The following TSPEAR variants were observed in gnomAD, a reference collection of about 807,000 sequenced individuals.
TSPEAR encodes the protein thrombospondin type laminin G domain and EAR repeats.
In TSPEAR, 69 loss-of-function variants were observed where a neutral mutation model predicts 71.6. That is an observed-to-expected ratio of 0.96 (90% CI 0.79 to 1.18). TSPEAR has a LOEUF of 1.18. TSPEAR is among the 50% of genes most tolerant of loss of function. The pLI, the probability that TSPEAR is intolerant of heterozygous loss-of-function variation, is 0.00. For synonymous variants in TSPEAR, 402 were observed against 387.2 expected (o/e 1.04, Z -0.45); for missense variants, 971 against 894.9 (o/e 1.09, Z -1.09).
chr21:44,669,429 T>A (rs587756263), intron 1 of TSPEAR, among the ~76,000 whole-genome samples: 15 of 151,920 alleles, frequency 9.9e-5, no homozygotes, highest in Non-Finnish European at 1.9e-4. Context: ...TCAAAAAAAA[T>A]TAAATAAAAA....
At chr21:44,514,926 G>A (rs998312622) in intron 9 of TSPEAR, among the ~76,000 whole-genome samples, 21 of 152,202 alleles carry the variant, frequency 1.4e-4, no homozygotes, top group African/African-American at 4.6e-4. Context: ...CCATTCCCTT[G>A]GAGCACTGTA....
intron 1 of TSPEAR, chr21:44,592,567 T>G: frequency 6.5e-7 from 1 of 1,536,414 alleles, no homozygotes; most frequent in Non-Finnish European, 8.8e-7. Context: ...CTGGCCTTGT[T>G]GTCCCCGGGC....
rs1010541029 is a variant in TSPEAR, at chr21:44,687,955, G to A, written c.82+23478C>T. Among the ~76,000 whole-genome samples the A allele has an allele frequency of 2.0e-5, 3 of 152,244 alleles. No individual in the cohort carries two copies. The highest frequency in any genetic ancestry group is 4.4e-5 in the Non-Finnish European group (3 of 68,044). Reference sequence around the variant, plus strand: ...CACTGACAGAGGCCGGCTCGGGGGTGAGTATCCGATCAAGCACAGTGAGTG... The same window carrying A: ...CACTGACAGAGGCCGGCTCGGGGGTAAGTATCCGATCAAGCACAGTGAGTG... On this transcript the variant is annotated intron_variant, in intron 1 of 11. Coordinates refer to ENST00000323084, the MANE Select transcript of TSPEAR (RefSeq NM_144991.3). This position sits in a 1 kb window ranked among gnomAD's most constrained non-coding sequence, Gnocchi z 4.4.
Position 44,511,319 on chromosome 21 carries a change from CTGCATGCA to C in TSPEAR, c.1567-1941_1567-1934del, listed in dbSNP as rs76181679. On this transcript the variant is annotated intron_variant, in intron 9 of 11. Transcript: ENST00000323084. ...ACTGTGCGCACACACACATGCACGC[CTGCATGCA>C]TGCATACACACACAAACATGCATAT... is the stretch of plus-strand genomic sequence containing the variant. Among the ~76,000 whole-genome samples, 191 of 152,106 alleles carry C rather than the reference CTGCATGCA, an allele frequency of 1.3e-3. 1 individual carries two copies. The highest frequency in any genetic ancestry group is 2.2e-3 in the Non-Finnish European group (153 of 68,010).
intron 2 of TSPEAR, among the ~76,000 whole-genome samples, chr21:44,555,610 G>A (rs1555919655): frequency 6.6e-6 from 1 of 152,170 alleles, no homozygotes; most frequent in Non-Finnish European, 1.5e-5. Flanking sequence ...GGGAGCCCTA[G>A]TGTGAGAAGT....
intron 1 of TSPEAR, chr21:44,702,362 C>A: frequency 6.2e-7 from 1 of 1,609,336 alleles, no homozygotes; most frequent in Non-Finnish European, 8.5e-7. Flanking sequence ...GTGTCCAGCC[C>A]CTGCTGCCAG....
chr21:44,610,157 A>T (rs1380661633), intron 1 of TSPEAR, among the ~76,000 whole-genome samples: 1 of 152,160 alleles, frequency 6.6e-6, no homozygotes, highest in Non-Finnish European at 1.5e-5. Context: ...GAAAAGAAAA[A>T]CCCATTTTCT....
At chr21:44,631,845 T>C (rs1601508886) in intron 1 of TSPEAR, among the ~76,000 whole-genome samples, 1 of 152,076 alleles carries the variant, frequency 6.6e-6, no homozygotes, top group African/African-American at 2.4e-5. Flanking sequence ...AGAGAGAGAA[T>C]GGAGCACTCA....
At position 44,528,372 on chromosome 21, in the gene TSPEAR, C is replaced by T. The variant is rs1003453496; in HGVS notation, c.922+80G>A. 6 of 1,586,146 alleles carry T rather than the reference C, an allele frequency of 3.8e-6. No individual in the cohort carries two copies. In the African/African-American group the frequency reaches 5.4e-5, roughly 14 times the overall value. ...TCATTCAGAGGTGGCTGAGGTGCCC[C>T]CTCTCCTAGCCTCCACTCCCAGTCA... On this transcript the variant is annotated intron_variant, in intron 6 of 11. Coordinates refer to ENST00000323084, the MANE Select transcript of TSPEAR (RefSeq NM_144991.3).
rs1555921929 is a variant in TSPEAR, at chr21:44,567,839, G to T, written c.249C>A (p.Phe83Leu). The T allele has an allele frequency of 2.5e-6, 4 of 1,607,092 alleles. No individual in the cohort carries two copies. Among genetic ancestry groups the T allele is most frequent in the Non-Finnish European group, 3.4e-6 (4 of 1,176,028 alleles). Residue 83 changes from phenylalanine to leucine, a missense_variant, in exon 2 of 12, where the codon TTC (phenylalanine) becomes TTA (leucine). Transcript: ENST00000323084. ...ASRIFSQCDL[F>L]PEEFSIVVTL... ...TTACGACGATGGAAAATTCTTCAGGGAAGAGGTCACACTGGGAGAAAATCC... is the reference window on the plus strand; with the variant it reads ...TTACGACGATGGAAAATTCTTCAGGTAAGAGGTCACACTGGGAGAAAATCC...
intron 1 of TSPEAR, chr21:44,676,854 G>A: frequency 1.1e-6 from 1 of 950,354 alleles, no homozygotes; most frequent in Admixed American, 1.7e-5. Context: ...CTAATGTGAT[G>A]TGCTGCTTTT....
In TSPEAR at chr21:44,499,608, TG is replaced by T; in HGVS notation, c.*174del. 1.6e-6 allele frequency: 1 copy of T among 606,990 alleles called. No individual in the cohort carries two copies. The highest frequency in any genetic ancestry group is 2.0e-5 in the African/African-American group (1 of 50,940). 37.6% of individuals were successfully genotyped at this position (606,990 alleles called of 1,614,324 possible). A position where few individuals can be genotyped will look rare whatever the true frequency, so the allele number is the denominator to read the frequency against. On this transcript the variant is annotated 3_prime_UTR_variant, in exon 12 of 12. Coordinates refer to ENST00000323084, the MANE Select transcript of TSPEAR (RefSeq NM_144991.3). ...GCTGTGGCTCAGAAGGACTCAGAGG[TG>T]GATGGATGTCCCTGCCCGAACCAGG...
chr21:44,667,039 C>G (rs782225974), intron 1 of TSPEAR: 2 of 897,076 alleles, frequency 2.2e-6, no homozygotes, highest in Non-Finnish European at 3.4e-6. Context: ...TCTCCTGGAG[C>G]TTAATTTTCT....
chr21:44,682,486 C>T (rs1986653887), intron 1 of TSPEAR, among the ~76,000 whole-genome samples: 1 of 152,190 alleles, frequency 6.6e-6, no homozygotes. Flanking sequence ...AAGAGCTCCT[C>T]GAACCGCAAC....
rs116924150 is a variant in TSPEAR at position 44,609,828 on chromosome 21, T to C, written c.83-41823A>G. Among the ~76,000 whole-genome samples the C allele has an allele frequency of 4.7e-3, 716 of 152,354 alleles. 6 individuals are homozygous for C. The highest frequency in any genetic ancestry group is 8.4e-3 in the Non-Finnish European group (572 of 68,028). ...ATAATATACATTCTGAACACTGATG[T>C]AACCAAATATTGATATTTTACTTCC... On this transcript the variant is annotated intron_variant, in intron 1 of 11. Coordinates refer to ENST00000323084, the MANE Select transcript of TSPEAR (RefSeq NM_144991.3).
intron 1 of TSPEAR, among the ~76,000 whole-genome samples, chr21:44,641,601 TA>T (rs1450807278): frequency 6.6e-6 from 1 of 152,136 alleles, no homozygotes; most frequent in Non-Finnish European, 1.5e-5. Context: ...CATATGAGAA[TA>T]AAAGTTTTTT....
chr21:44,649,126 A>G lies in TSPEAR; in HGVS notation c.82+62307T>C, dbSNP rs371916587. On this transcript the variant is annotated intron_variant, in intron 1 of 11. Coordinates refer to ENST00000323084, the MANE Select transcript of TSPEAR (RefSeq NM_144991.3). ...GCTCCCTCCACCGCCTGCTGGACAG[A>G]GCCGGACGGCTCCTGGGGACCGGGG... Among the ~76,000 whole-genome samples, 321 of 152,328 alleles carry G rather than the reference A, an allele frequency of 2.1e-3. 1 individual carries two copies. Among genetic ancestry groups the G allele is most frequent in the Middle Eastern group, 0.017 (5 of 294 alleles).
At chr21:44,633,802 T>C (rs1983388802) in intron 1 of TSPEAR, among the ~76,000 whole-genome samples, 1 of 152,246 alleles carries the variant, frequency 6.6e-6, no homozygotes, top group African/African-American at 2.4e-5. Flanking sequence ...AAAAATTTTT[T>C]TTAATCAGTG....
chr21:44,566,484 T>C (rs2053705171), intron 2 of TSPEAR, among the ~76,000 whole-genome samples: 1 of 152,176 alleles, frequency 6.6e-6, no homozygotes, highest in South Asian at 2.1e-4. Context: ...AACTTCTCTG[T>C]AGACATTCAC....
Sources: allele counts gnomAD v4.1 joint callset (sites outside exome capture counted in the v4.1 genomes callset), GRCh38; gene constraint gnomAD v4.1.1; non-coding constraint Gnocchi (gnomAD v3.1); transcripts MANE v1.5; gene names NCBI Gene and HGNC (gene_info 2026-07-23, HGNC 2026-07-21).